Variants in ADAMTSL1 observed in about 807,000 individuals in gnomAD.
ADAMTSL1 encodes the protein ADAMTS like 1.
Under a neutral mutation model 201.8 loss-of-function variants are expected in ADAMTSL1, and 126 were observed. That is an observed-to-expected ratio of 0.62 (90% CI 0.54 to 0.72). The LOEUF is 0.72. ADAMTSL1 is among the 30% of genes least tolerant of loss of function. The pLI is 0.00. For missense variants in ADAMTSL1, 2,679 were observed against 2,277.8 expected, an observed-to-expected ratio of 1.18 and a Z score of -3.59; for synonymous variants, 1,121 against 903.4, an observed-to-expected ratio of 1.24 and a Z score of -4.32.
intron 1 of ADAMTSL1, among the ~76,000 whole-genome samples, chr9:18,157,611 C>G (rs1374057430): frequency 4.6e-5 from 7 of 152,012 alleles, no homozygotes; most frequent in Non-Finnish European, 1.0e-4. Flanking sequence ...CCAGCATGTT[C>G]TATCTCACTT....
chr9:18,205,599 A>ATT (rs1829617160), intron 2 of ADAMTSL1, among the ~76,000 whole-genome samples: 1 of 152,054 alleles, frequency 6.6e-6, no homozygotes, highest in Non-Finnish European at 1.5e-5. Context: ...CACAGGCGAA[A>ATT]AGCAAGCTAG....
At chr9:17,940,552 G>A (rs892445412) in intron 1 of ADAMTSL1, among the ~76,000 whole-genome samples, 2 of 151,942 alleles carry the variant, frequency 1.3e-5, no homozygotes, top group African/African-American at 4.8e-5. Flanking sequence ...GACCTGTTGA[G>A]TTGGAATTGG....
intron 1 of ADAMTSL1, among the ~76,000 whole-genome samples, chr9:18,116,779 G>T (rs1009024998): frequency 6.6e-6 from 1 of 151,986 alleles, no homozygotes; most frequent in Non-Finnish European, 1.5e-5. Context: ...GGTTTGTTAC[G>T]TATGTATACA....
intron 4 of ADAMTSL1, among the ~76,000 whole-genome samples, chr9:18,596,117 A>G (rs2210501): frequency 1.5e-3 from 231 of 152,336 alleles, no homozygotes; most frequent in African/African-American, 5.3e-3. Context: ...GTAGTTTAAT[A>G]TTTCCATTTA....
intron 15 of ADAMTSL1, among the ~76,000 whole-genome samples, chr9:18,734,652 AAC>A (rs1488639230): frequency 6.6e-6 from 1 of 152,230 alleles, no homozygotes; most frequent in African/African-American, 2.4e-5. Flanking sequence ...GTCTTATGGA[AAC>A]ACAGAGATGA....
chr9:18,283,530 T>C (rs1173776248), intron 2 of ADAMTSL1, among the ~76,000 whole-genome samples: 1 of 137,508 alleles, frequency 7.3e-6, no homozygotes, highest in Non-Finnish European at 1.5e-5. Flanking sequence ...CGCTTGAGCC[T>C]GGGAAGTTGA....
intron 2 of ADAMTSL1, among the ~76,000 whole-genome samples, chr9:18,236,992 T>A (rs901866766): frequency 6.6e-6 from 1 of 152,234 alleles, no homozygotes; most frequent in Admixed American, 6.5e-5. Context: ...TTTACACAGA[T>A]AACATTTTTC....
intron 20 of ADAMTSL1, among the ~76,000 whole-genome samples, chr9:18,810,658 T>A (rs181784144): frequency 8.5e-5 from 13 of 152,252 alleles, no homozygotes; most frequent in African/African-American, 2.6e-4. Context: ...GGACCCAACT[T>A]CCCCAAGGTG....
intron 1 of ADAMTSL1, among the ~76,000 whole-genome samples, chr9:18,127,676 G>C (rs80113686): frequency 0.066 from 9,992 of 152,212 alleles, 434 homozygotes; most frequent in Non-Finnish European, 0.099. Flanking sequence ...GTTTTAAGGA[G>C]TCTTCGCTGT....
intron 2 of ADAMTSL1, among the ~76,000 whole-genome samples, chr9:18,233,395 A>T (rs1830717428): frequency 6.6e-6 from 1 of 152,230 alleles, no homozygotes; most frequent in African/African-American, 2.4e-5. Context: ...TAGGATAAGT[A>T]TATAAAGATA....
chr9:18,764,992 C>T (rs1338087830), intron 16 of ADAMTSL1, among the ~76,000 whole-genome samples: 1 of 152,034 alleles, frequency 6.6e-6, no homozygotes, highest in Admixed American at 6.6e-5. Context: ...ACATCTATAC[C>T]CTTGAAATAA....
rs940271435 is a variant in ADAMTSL1 at position 18,756,174 on chromosome 9, G to GAGGCTGA, written c.2217+2669_2217+2675dup. ...GGCACCTGTAATCCCAGCTACTGTG[G>GAGGCTGA]AGGCTGAAGCAGGAGAATCACTCAT... On this transcript the variant is annotated intron_variant, in intron 16 of 28. Transcript: ENST00000380548. 1.8e-4 allele frequency among the ~76,000 whole-genome samples: 24 copies of GAGGCTGA among 129,826 alleles called. No individual in the cohort carries two copies. The East Asian group carries it at 3.0e-3, about 16-fold the overall frequency. 85.2% of individuals were successfully genotyped at this position (129,826 alleles called of 152,430 possible). A position where few individuals can be genotyped will look rare whatever the true frequency, so the allele number is the denominator to read the frequency against.
chr9:18,604,601 T>C (rs1824886685), intron 4 of ADAMTSL1, among the ~76,000 whole-genome samples: 1 of 152,212 alleles, frequency 6.6e-6, no homozygotes, highest in Admixed American at 6.5e-5. Context: ...TTACATTCCT[T>C]TTTAGAGCTG....
chr9:18,853,354 A>T (rs997865686), intron 23 of ADAMTSL1, among the ~76,000 whole-genome samples: 6 of 152,180 alleles, frequency 3.9e-5, no homozygotes, highest in African/African-American at 1.4e-4. Context: ...TTTGGAGTCT[A>T]GGGTTTTTCA....
chr9:18,186,481 TA>T (rs1336077400), intron 2 of ADAMTSL1, among the ~76,000 whole-genome samples: 1 of 152,134 alleles, frequency 6.6e-6, no homozygotes, highest in East Asian at 1.9e-4. Flanking sequence ...AAATACATCC[TA>T]GTCATGTCAC....
intron 1 of ADAMTSL1, among the ~76,000 whole-genome samples, chr9:17,932,289 C>A (rs555860930): frequency 3.3e-5 from 5 of 152,112 alleles, no homozygotes; most frequent in South Asian, 4.1e-4. Flanking sequence ...AATTCCAGGG[C>A]GGTTGGCCAC....
At chr9:18,373,050 C>T (rs1236403467) in intron 2 of ADAMTSL1, among the ~76,000 whole-genome samples, 1 of 152,110 alleles carries the variant, frequency 6.6e-6, no homozygotes, top group Non-Finnish European at 1.5e-5. Flanking sequence ...CTTAGGGAAT[C>T]CCTTACCTTT....
intron 1 of ADAMTSL1, among the ~76,000 whole-genome samples, chr9:18,025,788 G>C (rs1638496819): frequency 6.6e-6 from 1 of 151,878 alleles, no homozygotes; most frequent in Admixed American, 6.6e-5. Context: ...AATTCTCTGA[G>C]AAATTATATT....
At chr9:18,085,484 T>TATATATATATATATACTGTGTGTGC (rs1554692335) in intron 1 of ADAMTSL1, among the ~76,000 whole-genome samples, 5,504 of 130,332 alleles carry the variant, frequency 0.042, 343 homozygotes, top group African/African-American at 0.14. Context: ...TGTGTGTGCA[T>TATATATATATATATACTGTGTGTGC]ATATATATAT....
Sources: allele counts gnomAD v4.1 joint callset (sites outside exome capture counted in the v4.1 genomes callset), GRCh38; gene constraint gnomAD v4.1.1; transcripts MANE v1.5; gene names NCBI Gene and HGNC (gene_info 2026-07-23, HGNC 2026-07-21).